The following KIF26B variants were observed in gnomAD, a reference collection of about 807,000 sequenced individuals.
The protein encoded by KIF26B is kinesin family member 26B.
A neutral mutation model predicts 151.2 loss-of-function variants in KIF26B; 63 were observed. That is an observed-to-expected ratio of 0.42 (90% confidence interval 0.34 to 0.51). The LOEUF (loss-of-function observed/expected upper bound fraction) is 0.51, where lower values mean the gene tolerates loss of function less well. Among genes scored for constraint, KIF26B ranks in the 20% least tolerant of loss-of-function variants. The probability of loss-of-function intolerance (pLI) is 0.07; values close to 1 mark genes in which losing one functional copy is unlikely to be tolerated. For synonymous variants in KIF26B, 1,357 were observed against 1,262.1 expected (o/e 1.08, Z -1.59); for missense variants, 2,813 against 2,913.6 (o/e 0.97, Z 0.79).
chr1:245,419,714 G>C lies in KIF26B; in HGVS notation c.1135G>C (p.Gly379Arg). The C allele has an allele frequency of 6.2e-7, 1 of 1,613,132 alleles. No homozygotes were observed. The highest frequency in any genetic ancestry group is 8.5e-7 in the Non-Finnish European group (1 of 1,179,502). Reference protein sequence around the residue: ...GSCVASETSTGTSVAASFFAR... With the variant: ...GSCVASETSTRTSVAASFFAR... ...CTGCGTGGCCAGCGAGACTTCCACA[G>C]GCACATCGGTGGCCGCCTCCTTCTT... Residue 379 changes from glycine (G) to arginine (R), a missense_variant, in exon 4 of 15, where the codon GGC becomes CGC. By Grantham distance (125) the Gly-to-Arg change is moderately radical. Transcript: ENST00000407071.
chr1:245,689,209 G>A (rs1484863703), intron 12 of KIF26B, among the ~76,000 whole-genome samples: 1 of 152,192 alleles, frequency 6.6e-6, no homozygotes, highest in East Asian at 1.9e-4. Context: ...CTGGCTCTTC[G>A]CCGTCCATTC....
intron 4 of KIF26B, chr1:245,510,854 G>A: frequency 1.9e-6 from 1 of 535,808 alleles, no homozygotes; most frequent in South Asian, 2.8e-5. Flanking sequence ...AAGGTGGCTG[G>A]GAGCTCAGTG....
chr1:245,459,830 G>T (rs1659610902), intron 4 of KIF26B, among the ~76,000 whole-genome samples: 1 of 151,998 alleles, frequency 6.6e-6, no homozygotes, highest in Non-Finnish European at 1.5e-5. Context: ...TCTCTGAAAT[G>T]TGCACCTGTG....
chr1:245,429,183 AATGTGAT>A (rs1658718203), intron 4 of KIF26B, among the ~76,000 whole-genome samples: 1 of 152,190 alleles, frequency 6.6e-6, no homozygotes, highest in South Asian at 2.1e-4. Context: ...ATTAAATGAA[AATGTGAT>A]AGTCCTTGGT....
At chr1:245,630,208 T>G (rs985272301) in intron 9 of KIF26B, among the ~76,000 whole-genome samples, 6 of 152,164 alleles carry the variant, frequency 3.9e-5, no homozygotes. Flanking sequence ...GAAATACCAT[T>G]TGACCCAGCA....
At position 245,521,932 on chromosome 1, in the gene KIF26B, C is replaced by T. The variant is rs181098206; in HGVS notation, c.1167-18835C>T. Among the ~76,000 whole-genome samples the T allele has an allele frequency of 5.4e-3, 816 of 150,568 alleles. 7 individuals carry two copies. Among genetic ancestry groups the T allele is most frequent in the Non-Finnish European group, 8.2e-3 (554 of 67,404 alleles). ...CCAGGCTGGATGGAGTGCAGTGGTG[C>T]GATCTCGGCTCACTGCAAGCTCTGC... On this transcript the variant is annotated intron_variant, in intron 4 of 14. Transcript: ENST00000407071.
chr1:245,562,805 G>T (rs2042969978), intron 5 of KIF26B, among the ~76,000 whole-genome samples: 1 of 152,126 alleles, frequency 6.6e-6, no homozygotes, highest in African/African-American at 2.4e-5. Flanking sequence ...ACTCCGGCAG[G>T]TCTCAAGTGA....
At chr1:245,396,043 A>G (rs941107185) in intron 3 of KIF26B, among the ~76,000 whole-genome samples, 4 of 152,192 alleles carry the variant, frequency 2.6e-5, no homozygotes, top group East Asian at 1.9e-4. Flanking sequence ...TTTATGGAGT[A>G]GGTTCCTCTG....
chr1:245,411,902 C>T (rs923371385), intron 3 of KIF26B, among the ~76,000 whole-genome samples: 1 of 152,188 alleles, frequency 6.6e-6, no homozygotes, highest in African/African-American at 2.4e-5. Flanking sequence ...CGTCCATCAT[C>T]GTCAGCTTTC....
At chr1:245,487,337 A>C (rs925796721) in intron 4 of KIF26B, among the ~76,000 whole-genome samples, 1 of 152,192 alleles carries the variant, frequency 6.6e-6, no homozygotes, top group Non-Finnish European at 1.5e-5. Flanking sequence ...TGCAAAATGA[A>C]ACAGAGGGAC....
chr1:245,642,084 G>A lies in KIF26B; in HGVS notation c.2099-4037G>A, dbSNP rs114520726. ...CTCACAATGGCTTTCTGGCCCAAAC[G>A]GACCTGGGGAAGACCCAATGACGGT... On this transcript the variant is annotated intron_variant, in intron 9 of 14. Transcript: ENST00000407071. Among the ~76,000 whole-genome samples, 509 of 152,284 alleles carry A rather than the reference G, an allele frequency of 3.3e-3. 1 individual carries two copies. Among genetic ancestry groups the A allele is most frequent in the African/African-American group, 0.011 (455 of 41,556 alleles).
At chr1:245,626,522 G>A (rs2043726295) in intron 9 of KIF26B, among the ~76,000 whole-genome samples, 1 of 151,702 alleles carries the variant, frequency 6.6e-6, no homozygotes, top group African/African-American at 2.4e-5. Flanking sequence ...TCACATACCT[G>A]GTTGCCATGT....
chr1:245,478,426 T>C, intron 4 of KIF26B, among the ~76,000 whole-genome samples: 1 of 84,252 alleles, frequency 1.2e-5, no homozygotes, highest in East Asian at 3.5e-4. Context: ...AGGATCTGAC[T>C]CGCATTTTTT....
chr1:245,233,165 A>G (rs1324536071), intron 2 of KIF26B, among the ~76,000 whole-genome samples: 1 of 152,208 alleles, frequency 6.6e-6, no homozygotes, highest in East Asian at 1.9e-4. Flanking sequence ...TCTGGGCATA[A>G]TGAAATGATT....
In KIF26B at chr1:245,564,199, G is replaced by A. The variant is rs2042984580; in HGVS notation, c.1350+23249G>A. On this transcript the variant is annotated intron_variant, in intron 5 of 14. Coordinates refer to ENST00000407071, the MANE Select transcript of KIF26B (RefSeq NM_018012.4). The surrounding 1 kb of genome is among the most constrained non-coding windows in gnomAD (Gnocchi z 4.6). ...ATTCCAGACCCTCTTGTGACTCTGAGTCTCTGCCCCTGGGTTCACGCCACT... is the reference window on the plus strand; with the variant it reads ...ATTCCAGACCCTCTTGTGACTCTGAATCTCTGCCCCTGGGTTCACGCCACT... Among the ~76,000 whole-genome samples the A allele has an allele frequency of 6.6e-6, 1 of 152,086 alleles. No homozygotes were observed. The highest frequency in any genetic ancestry group is 1.5e-5 in the Non-Finnish European group (1 of 68,038).
rs1455728811 is a variant in KIF26B at position 245,155,257 on chromosome 1, A to C, written c.-168A>C. ...ACCCTTTCTGCAAATTGGTGCTATT[A>C]CTTGTGGGATCCATTTGCTTTCATT... On this transcript the variant is annotated 5_prime_UTR_variant, in exon 1 of 15. Transcript: ENST00000407071. 6.1e-6 allele frequency: 4 copies of C among 653,050 alleles called. No homozygotes were observed. Among genetic ancestry groups the C allele is most frequent in the Non-Finnish European group, 1.1e-5 (4 of 367,416 alleles). The allele number at this position is 653,050 out of a possible 1,614,324, so 40.5% of individuals were successfully genotyped here.
chr1:245,255,086 G>A (rs777224378), intron 2 of KIF26B, among the ~76,000 whole-genome samples: 3 of 151,990 alleles, frequency 2.0e-5, no homozygotes, highest in Non-Finnish European at 4.4e-5. Context: ...AATTATCTTG[G>A]GTTTCTGATA....
rs145540539 is a variant in KIF26B at position 245,417,883 on chromosome 1, A to G, written c.1000-1696A>G. On this transcript the variant is annotated intron_variant, in intron 3 of 14. Transcript: ENST00000407071. ...GGAATCCCTTCCCTCCAAATTTTAG[A>G]TGAGAAATATGGTAATGAAAGGAAA... is the stretch of plus-strand genomic sequence containing the variant. 5.5e-4 allele frequency among the ~76,000 whole-genome samples: 83 copies of G among 152,272 alleles called. 2 individuals carry two copies. The East Asian group carries it at 0.015, about 27-fold the overall frequency.
chr1:245,560,157 G>A lies in KIF26B; in HGVS notation c.1350+19207G>A, dbSNP rs554088502. ...CCCCTACTCCAGACCGTGAGTTGTG[G>A]ATGAAAGGGGCTGTATCTTACTTGC... On this transcript the variant is annotated intron_variant, in intron 5 of 14. Coordinates refer to ENST00000407071, the MANE Select transcript of KIF26B (RefSeq NM_018012.4). This position sits in a 1 kb window ranked among gnomAD's most constrained non-coding sequence, Gnocchi z 4.3. 1.5e-4 allele frequency among the ~76,000 whole-genome samples: 23 copies of A among 152,254 alleles called. No homozygotes were observed. The highest frequency in any genetic ancestry group is 5.1e-4 in the African/African-American group (21 of 41,536).
Sources: gnomAD v4.1 joint callset for allele counts (sites outside exome capture counted in the v4.1 genomes callset) on GRCh38, gnomAD v4.1.1 for gene constraint, Gnocchi (gnomAD v3.1) non-coding constraint, MANE v1.5 for transcripts, NCBI Gene and HGNC (gene_info 2026-07-23, HGNC 2026-07-21) for gene names.